Variants in CPSF2 observed in about 807,000 individuals in gnomAD.
CPSF2 encodes cleavage and polyadenylation specificity factor subunit 2.
A neutral mutation model predicts 84.2 loss-of-function variants in CPSF2; 51 were observed. That is an observed-to-expected ratio of 0.61 (90% CI 0.48 to 0.77). The LOEUF (loss-of-function observed/expected upper bound fraction) is 0.77, where lower values mean the gene tolerates loss of function less well. Ranked by LOEUF, CPSF2 falls within the 30% of genes least tolerant of loss-of-function variation. The pLI, the probability that CPSF2 is intolerant of heterozygous loss-of-function variation, is 0.00. For missense variants in CPSF2, 641 were observed against 929.4 expected (o/e 0.69, Z 4.03); for synonymous variants, 286 against 311.9 (o/e 0.92, Z 0.87).
intron 2 of CPSF2, among the ~76,000 whole-genome samples, chr14:92,128,128 G>T (rs2068866099): frequency 6.6e-6 from 1 of 152,026 alleles, no homozygotes; most frequent in Admixed American, 6.5e-5. Flanking sequence ...CCAGCTACTC[G>T]GGAGGCTGAG....
At chr14:92,125,507 A>G (rs1490576650) in intron 1 of CPSF2, among the ~76,000 whole-genome samples, 1 of 152,084 alleles carries the variant, frequency 6.6e-6, no homozygotes, top group Non-Finnish European at 1.5e-5. Context: ...GTATCATCTC[A>G]TCAATCATAC....
chr14:92,137,712 G>A (rs1411387058), intron 6 of CPSF2, among the ~76,000 whole-genome samples: 1 of 152,138 alleles, frequency 6.6e-6, no homozygotes, highest in Non-Finnish European at 1.5e-5. Flanking sequence ...ATGTTCTTTG[G>A]AAGATTATAA....
Position 92,164,810 on chromosome 14 carries a change from A to G in CPSF2, c.*3066A>G, listed in dbSNP as rs1484709763. On this transcript the variant is annotated 3_prime_UTR_variant, in exon 16 of 16. Coordinates refer to ENST00000298875, the MANE Select transcript of CPSF2 (RefSeq NM_017437.3). ...TACATACCATAAAGTTCACTCTTCT[A>G]AAGTGTACAATTCATTGGTGTTAGT... The G allele has an allele frequency of 2.0e-5, 3 of 152,216 alleles. No individual in the cohort carries two copies. Among genetic ancestry groups the G allele is most frequent in the Non-Finnish European group, 4.4e-5 (3 of 68,032 alleles). The allele number at this position is 152,216 out of a possible 1,614,324, so 9.4% of individuals were successfully genotyped here. A position where few individuals can be genotyped will look rare whatever the true frequency, so the allele number is the denominator to read the frequency against.
intron 1 of CPSF2, among the ~76,000 whole-genome samples, chr14:92,123,403 C>T (rs2068804321): frequency 6.7e-6 from 1 of 148,384 alleles, no homozygotes; most frequent in Non-Finnish European, 1.5e-5. Flanking sequence ...CGCGCCTGGC[C>T]GATTTATTAT....
intron 2 of CPSF2, among the ~76,000 whole-genome samples, chr14:92,130,109 T>C (rs2068896587): frequency 1.3e-5 from 2 of 152,212 alleles, no homozygotes; most frequent in African/African-American, 4.8e-5. Context: ...AATTTGCATT[T>C]CATCAGATAT....
rs71461958 is a variant in CPSF2 at position 92,165,854 on chromosome 14, CTTTTTTTTT to C, written c.*4127_*4135del. 2 of 50,636 alleles carry C rather than the reference CTTTTTTTTT, an allele frequency of 3.9e-5. No individual in the cohort carries two copies. The highest frequency in any genetic ancestry group is 3.1e-4 in the Admixed American group (1 of 3,212). The allele number at this position is 50,636 out of a possible 1,614,324, so 3.1% of individuals were successfully genotyped here. ...CAGTTCTTTGTGCTTGGTTTTATAT[CTTTTTTTTT>C]TTTTTTTTTTTTTTTTGAGATGGAG... On this transcript the variant is annotated 3_prime_UTR_variant, in exon 16 of 16. Coordinates refer to ENST00000298875, the MANE Select transcript of CPSF2 (RefSeq NM_017437.3).
chr14:92,149,415 A>G (rs2069183652), intron 9 of CPSF2, among the ~76,000 whole-genome samples: 2 of 152,034 alleles, frequency 1.3e-5, no homozygotes, highest in Admixed American at 6.6e-5. Context: ...CTCTGCCTCT[A>G]CGAAGTATAA....
chr14:92,143,116 C>T lies in CPSF2; in HGVS notation c.962C>T (p.Pro321Leu). ...CHGLSDLARVPSPKVVLASQP... is the reference protein window; with the variant it reads ...CHGLSDLARVLSPKVVLASQP... ...GGTCTTTCTGACTTGGCCCGTGTAC[C>T]TAGCCCTAAAGTTGTACTTGCCAGC... The change falls in exon 9 of 16, where the codon CCT becomes CTT. Residue 321 changes from proline to leucine, a missense_variant. By Grantham distance (98) the Pro-to-Leu change is moderately conservative. Coordinates refer to ENST00000298875, the MANE Select transcript of CPSF2 (RefSeq NM_017437.3). The T allele has an allele frequency of 3.7e-6, 6 of 1,614,100 alleles. No individual in the cohort carries two copies. Among genetic ancestry groups the T allele is most frequent in the Non-Finnish European group, 5.1e-6 (6 of 1,180,020 alleles).
At chr14:92,161,000 A>G (rs1001660272) in intron 14 of CPSF2, 112 bp from the exon 15 acceptor site, 2 of 1,022,628 alleles carry the variant, frequency 2.0e-6, no homozygotes, top group Non-Finnish European at 1.4e-6. Flanking sequence ...AAAGGACTTC[A>G]GGGAATAATA....
chr14:92,140,693 A>T (rs1188510751), intron 7 of CPSF2, among the ~76,000 whole-genome samples: 1 of 146,344 alleles, frequency 6.8e-6, no homozygotes, highest in African/African-American at 2.5e-5. Flanking sequence ...TGGCCTCCCA[A>T]AGTGCTGGGA....
chr14:92,159,186 A>G lies in CPSF2; in HGVS notation c.2025A>G (p.Gln675=). ...CCTCAGATTCTAGCGTTATAGCACA[A>G]CAAAAGGCCATGAAAAGTCTGTTCG... ...EAPSDSSVIA[Q]QKAMKSLFGD... The change falls in exon 14 of 16, where the codon CAA becomes CAG. Residue 675 remains glutamine (Q), a synonymous_variant. Coordinates refer to ENST00000298875, the MANE Select transcript of CPSF2 (RefSeq NM_017437.3). 1 of 1,614,066 alleles carries G rather than the reference A, an allele frequency of 6.2e-7. No individual in the cohort carries two copies.
At position 92,148,429 on chromosome 14, in the gene CPSF2, T is replaced by A. The variant is rs116267491; in HGVS notation, c.1140+5135T>A. ...ATCCATTGAAATCAGGAAATCAACA[T>A]TGATACCATCCTACCATTTCACCCA... is the stretch of plus-strand genomic sequence containing the variant. On this transcript the variant is annotated intron_variant, in intron 9 of 15. Transcript: ENST00000298875. Among the ~76,000 whole-genome samples the A allele has an allele frequency of 2.9e-3, 434 of 152,274 alleles. 1 individual carries two copies. Among genetic ancestry groups the A allele is most frequent in the African/African-American group, 9.5e-3 (396 of 41,558 alleles).
chr14:92,159,383 C>T (rs1330002679), intron 14 of CPSF2, 101 bp downstream of exon 14: 27 of 853,416 alleles, frequency 3.2e-5, no homozygotes, highest in Non-Finnish European at 4.8e-5. Context: ...CTAAGTGGGT[C>T]TGTGGAACCT....
In CPSF2 at chr14:92,132,283, C is replaced by T. The variant is rs1450147295; in HGVS notation, c.149+1150C>T. ...CCAAGTAGCTGAGATTACAGGCATG[C>T]ACCACCCGGCCGGCTAAGTTTTTGT... On this transcript the variant is annotated intron_variant, in intron 3 of 15. Transcript: ENST00000298875. Among the ~76,000 whole-genome samples the T allele has an allele frequency of 5.9e-5, 9 of 151,828 alleles. No homozygotes were observed. In the South Asian group the frequency reaches 6.3e-4, roughly 11 times the overall value.
At chr14:92,159,970 T>C (rs2069349011) in intron 14 of CPSF2, among the ~76,000 whole-genome samples, 1 of 151,822 alleles carries the variant, frequency 6.6e-6, no homozygotes, top group Non-Finnish European at 1.5e-5. Flanking sequence ...TTTTGTTTTG[T>C]TTTGTTTTTT....
At position 92,162,546 on chromosome 14, in the gene CPSF2, A is replaced by G. The variant is rs1459248343; in HGVS notation, c.*802A>G. On this transcript the variant is annotated 3_prime_UTR_variant, in exon 16 of 16. Transcript: ENST00000298875. Reference sequence around the variant, plus strand: ...TGTTTAGTGCTCTGTTTTTAAGAAAACAAATGTTGAACCTCACACTTTTAT... The same window carrying G: ...TGTTTAGTGCTCTGTTTTTAAGAAAGCAAATGTTGAACCTCACACTTTTAT... 6.6e-6 allele frequency: 1 copy of G among 152,210 alleles called. No individual in the cohort carries two copies. The highest frequency in any genetic ancestry group is 1.5e-5 in the Non-Finnish European group (1 of 68,016). 9.4% of individuals were successfully genotyped at this position (152,210 alleles called of 1,614,324 possible).
chr14:92,149,098 A>G (rs567383914), intron 9 of CPSF2, among the ~76,000 whole-genome samples: 1 of 152,274 alleles, frequency 6.6e-6, no homozygotes, highest in South Asian at 2.1e-4. Flanking sequence ...GAGTCCACAA[A>G]GCCAAAACTA....
chr14:92,159,644 G>A (rs1185837997), intron 14 of CPSF2, among the ~76,000 whole-genome samples: 1 of 152,164 alleles, frequency 6.6e-6, no homozygotes, highest in East Asian at 1.9e-4. Context: ...CCACAATTGT[G>A]CCACTGCATC....
chr14:92,124,634 C>A (rs566108673), intron 1 of CPSF2, among the ~76,000 whole-genome samples: 1 of 152,260 alleles, frequency 6.6e-6, no homozygotes, highest in East Asian at 1.9e-4. Context: ...GGTCTGGAGT[C>A]TAGATCTGCA....
Sources: gnomAD v4.1 joint callset for allele counts (sites outside exome capture counted in the v4.1 genomes callset) on GRCh38, gnomAD v4.1.1 for gene constraint, MANE v1.5 for transcripts, NCBI Gene and HGNC (gene_info 2026-07-23, HGNC 2026-07-21) for gene names.